Variants in PEMT observed in about 807,000 individuals in gnomAD.
PEMT encodes phosphatidylethanolamine N-methyltransferase.
Under a neutral mutation model 27.4 loss-of-function variants are expected in PEMT, and 23 were observed. The observed-to-expected ratio is 0.84, with a 90% CI of 0.60 to 1.19. PEMT has a LOEUF of 1.19. Ranked by LOEUF, PEMT falls within the 50% of genes most tolerant of loss-of-function variation. PEMT has a pLI of 0.00. For synonymous variants in PEMT, 137 were observed against 139.1 expected (o/e 0.98, Z 0.11); for missense variants, 307 against 310.1 (o/e 0.99, Z 0.07).
chr17:17,581,022 G>C (rs1228649197), intron 1 of PEMT, among the ~76,000 whole-genome samples: 1 of 152,216 alleles, frequency 6.6e-6, no homozygotes, highest in African/African-American at 2.4e-5. Context: ...AAAGGGGAAA[G>C]CAGGAAAGGC....
At chr17:17,575,961 T>C (rs1292064474) in intron 2 of PEMT, among the ~76,000 whole-genome samples, 1 of 152,202 alleles carries the variant, frequency 6.6e-6, no homozygotes, top group East Asian at 1.9e-4. Context: ...GGGTTCACCT[T>C]AAATGAAAAC....
At position 17,520,621 on chromosome 17, in the gene PEMT, A is replaced by G. The variant is rs1470794945; in HGVS notation, c.320+1659T>C. ...GACGCACAGGCCCCGAGGCGGTGCC[A>G]TGGGCCAAACCCCTTGCCCTCCGAG... On this transcript the variant is annotated intron_variant, in intron 3 of 6. Transcript: ENST00000255389. Among the ~76,000 whole-genome samples the G allele has an allele frequency of 3.9e-5, 6 of 152,354 alleles. No homozygotes were observed. In the East Asian group the frequency reaches 1.2e-3, roughly 29 times the overall value.
chr17:17,532,597 T>C (rs1215037437), intron 2 of PEMT, among the ~76,000 whole-genome samples: 1 of 152,252 alleles, frequency 6.6e-6, no homozygotes, highest in Non-Finnish European at 1.5e-5. Flanking sequence ...CAAACTGATC[T>C]AGAGATTCAA....
chr17:17,511,446 A>T (rs1906387850), intron 4 of PEMT, among the ~76,000 whole-genome samples: 1 of 152,034 alleles, frequency 6.6e-6, no homozygotes, highest in African/African-American at 2.4e-5. Flanking sequence ...ACTGGCAGGC[A>T]CAAGCTCCTT....
At chr17:17,539,541 G>A (rs1329380486) in intron 2 of PEMT, among the ~76,000 whole-genome samples, 2 of 152,294 alleles carry the variant, frequency 1.3e-5, no homozygotes, top group African/African-American at 4.8e-5. Context: ...TTGTGGCTAC[G>A]CAGGATTCTT....
rs776012568 is a variant in PEMT, at chr17:17,512,473, T to A, written c.466+36A>T. The A allele has an allele frequency of 1.3e-6, 2 of 1,498,772 alleles. No individual in the cohort carries two copies. The highest frequency in any genetic ancestry group is 2.7e-5 in the South Asian group (2 of 74,932). The allele number at this position is 1,498,772 out of a possible 1,614,324, so 92.8% of individuals were successfully genotyped here. On this transcript the variant is annotated intron_variant, in intron 4 of 6. Transcript: ENST00000255389. This position sits in a 1 kb window ranked among gnomAD's most constrained non-coding sequence, Gnocchi z 6.3. ...CTGCACCTCCCTGGGGCTCCAGCGGTCCTGCTCAGGGTCACCCCAGCCCTC... is the reference window on the plus strand; with the variant it reads ...CTGCACCTCCCTGGGGCTCCAGCGGACCTGCTCAGGGTCACCCCAGCCCTC...
chr17:17,538,148 G>A (rs1344999801), intron 2 of PEMT, among the ~76,000 whole-genome samples: 2 of 152,322 alleles, frequency 1.3e-5, no homozygotes, highest in East Asian at 1.9e-4. Context: ...CAGGCCCCAC[G>A]ATGGTAGAGG....
At chr17:17,548,626 G>A (rs1203966801) in intron 2 of PEMT, among the ~76,000 whole-genome samples, 2 of 152,044 alleles carry the variant, frequency 1.3e-5, no homozygotes, top group Non-Finnish European at 2.9e-5. Context: ...TCGGCTCACC[G>A]CAACCTCTGC....
chr17:17,508,083 T>G (rs1597865282), intron 5 of PEMT: 1 of 152,188 alleles, frequency 6.6e-6, no homozygotes, highest in East Asian at 1.9e-4. Context: ...ACAAGGGGCA[T>G]AAGTGGGAGG....
intron 1 of PEMT, among the ~76,000 whole-genome samples, chr17:17,578,186 T>TTG (rs939493355): frequency 2.6e-5 from 4 of 151,860 alleles, no homozygotes; most frequent in African/African-American, 9.7e-5. Flanking sequence ...TTTTTTTTTT[T>TTG]TGAGACAGAG....
rs1453036904 is a variant in PEMT, at chr17:17,561,656, G to A, written c.204+15264C>T. On this transcript the variant is annotated intron_variant, in intron 2 of 6. Transcript: ENST00000255389. The surrounding 1 kb of genome is among the most constrained non-coding windows in gnomAD (Gnocchi z 4.5). Reference sequence around the variant, plus strand: ...GTCACAGATGAGAATACCAAGGCTCGGAGAAGCCAGGAACCTTGCCCAGGT... The same window carrying A: ...GTCACAGATGAGAATACCAAGGCTCAGAGAAGCCAGGAACCTTGCCCAGGT... Among the ~76,000 whole-genome samples, 1 of 152,128 alleles carries A rather than the reference G, an allele frequency of 6.6e-6. No individual in the cohort carries two copies. Among genetic ancestry groups the A allele is most frequent in the African/African-American group, 2.4e-5 (1 of 41,432 alleles).
At chr17:17,507,119 T>C (rs745566076) in intron 5 of PEMT, 1 of 1,544,324 alleles carries the variant, frequency 6.5e-7, no homozygotes, top group South Asian at 1.2e-5. Flanking sequence ...GCTTTGGGTT[T>C]CCAGAAATAG....
intron 2 of PEMT, among the ~76,000 whole-genome samples, chr17:17,539,889 A>G (rs557831812): frequency 6.6e-6 from 1 of 152,274 alleles, no homozygotes; most frequent in East Asian, 1.9e-4. Flanking sequence ...CGTGGGCAGG[A>G]GGGGTCCTGG....
In PEMT at chr17:17,518,025, G is replaced by A. The variant is rs886156201; in HGVS notation, c.320+4255C>T. 10 of 985,428 alleles carry A rather than the reference G, an allele frequency of 1.0e-5. No homozygotes were observed. The African/African-American group carries it at 1.4e-4, about 14-fold the overall frequency. The allele number at this position is 985,428 out of a possible 1,614,324, so 61.0% of individuals were successfully genotyped here. On this transcript the variant is annotated intron_variant, in intron 3 of 6. Transcript: ENST00000255389. ...GACAGCCACACTCCGAGGCCAGGAT[G>A]CAGCTTCTTAGCCTGGCTGTGCCCG...
At chr17:17,529,102 C>A (rs1410687885) in intron 2 of PEMT, among the ~76,000 whole-genome samples, 1 of 152,230 alleles carries the variant, frequency 6.6e-6, no homozygotes, top group Non-Finnish European at 1.5e-5. Context: ...TCACTGCCAG[C>A]TAGGCAGGCC....
At chr17:17,583,671 G>A (rs1371978031) in intron 1 of PEMT, among the ~76,000 whole-genome samples, 1 of 152,224 alleles carries the variant, frequency 6.6e-6, no homozygotes, top group East Asian at 1.9e-4. Flanking sequence ...AAGAACAGAT[G>A]TAAAAGTACA....
chr17:17,514,478 G>A (rs1906651732), intron 3 of PEMT, among the ~76,000 whole-genome samples: 1 of 152,246 alleles, frequency 6.6e-6, no homozygotes, highest in African/African-American at 2.4e-5. Context: ...AAGCCACCAG[G>A]ACCCGGTGGC....
At chr17:17,560,078 T>C (rs552863057) in intron 2 of PEMT, among the ~76,000 whole-genome samples, 167 of 152,344 alleles carry the variant, frequency 1.1e-3, no homozygotes, top group African/African-American at 3.6e-3. Context: ...AGATCCCCGG[T>C]GACCTGGCTG....
chr17:17,562,859 C>T (rs1033436913), intron 2 of PEMT, among the ~76,000 whole-genome samples: 4 of 152,138 alleles, frequency 2.6e-5, no homozygotes, highest in Admixed American at 2.6e-4. Context: ...GACCCTTGCC[C>T]AGAGGAGGCC....
Sources: gnomAD v4.1 joint callset for allele counts (sites outside exome capture counted in the v4.1 genomes callset) on GRCh38, gnomAD v4.1.1 for gene constraint, Gnocchi (gnomAD v3.1) non-coding constraint, MANE v1.5 for transcripts, NCBI Gene and HGNC (gene_info 2026-07-23, HGNC 2026-07-21) for gene names.